The following ATP6V1E2 variants were observed in gnomAD, a reference collection of about 807,000 sequenced individuals.
The protein encoded by ATP6V1E2 is ATPase H+ transporting V1 subunit E2.
For synonymous variants in ATP6V1E2, 121 were observed against 104.2 expected (o/e 1.16, Z -0.98); for missense variants, 308 against 273.3 (o/e 1.13, Z -0.90).
chr2:46,512,758 G>C lies in ATP6V1E2; in HGVS notation c.-47C>G, dbSNP rs1461726792. On this transcript the variant is annotated 5_prime_UTR_variant, in exon 5 of 5. Transcript: ENST00000522587. ...CAGAGAGGGAGCTCGTACACCGTTTGGCTCCTTTGACTTAGGACAATTTCA... is the reference window on the plus strand; with the variant it reads ...CAGAGAGGGAGCTCGTACACCGTTTCGCTCCTTTGACTTAGGACAATTTCA... 1 of 1,527,000 alleles carries C rather than the reference G, an allele frequency of 6.5e-7. No homozygotes were observed. Among genetic ancestry groups the C allele is most frequent in the Non-Finnish European group, 8.8e-7 (1 of 1,134,982 alleles). 94.6% of individuals were successfully genotyped at this position (1,527,000 alleles called of 1,614,324 possible). A position where few individuals can be genotyped will look rare whatever the true frequency, so the allele number is the denominator to read the frequency against.
chr2:46,514,518 TAACTG>T lies in ATP6V1E2; in HGVS notation c.-101-1711_-101-1707del, dbSNP rs150805868. ...CAAATTTTGGAGCTGAAGAATACAA[TAACTG>T]AACTGAAAAAATTCACTAGAGGAGT... On this transcript the variant is annotated intron_variant, in intron 4 of 4. Transcript: ENST00000522587. Among the ~76,000 whole-genome samples the T allele has an allele frequency of 6.7e-3, 1,013 of 152,110 alleles. 8 individuals carry two copies. Among genetic ancestry groups the T allele is most frequent in the African/African-American group, 0.023 (972 of 41,504 alleles).
intron 4 of ATP6V1E2, 112 bp from the exon 5 acceptor site, chr2:46,512,924 AG>A: frequency 1.9e-6 from 1 of 523,290 alleles, no homozygotes; most frequent in East Asian, 3.2e-5. Context: ...GGTCCAGAGA[AG>A]GAACACAATT....
In ATP6V1E2 at chr2:46,512,558, T is replaced by C; in HGVS notation, c.154A>G (p.Lys52Glu). 6.2e-7 allele frequency: 1 copy of C among 1,614,214 alleles called. No individual in the cohort carries two copies. Among genetic ancestry groups the C allele is most frequent in the Non-Finnish European group, 8.5e-7 (1 of 1,180,040 alleles). Residue 52 changes from lysine (K) to glutamate (E), a missense_variant, in exon 5 of 5, where the codon AAG (lysine) becomes GAG (glutamate). Lys to Glu is a moderately conservative substitution (Grantham distance 56). Coordinates refer to ENST00000522587, the MANE Select transcript of ATP6V1E2 (RefSeq NM_001318063.2). ...TTTTTCTCATAATACTCCATAATCT[T>C]CAGTCGTTGGGTTTGCACGAGGCGT... is the stretch of plus-strand genomic sequence containing the variant. ...KGRLVQTQRLKIMEYYEKKEK... is the reference protein window; with the variant it reads ...KGRLVQTQRLEIMEYYEKKEK...
At chr2:46,540,469 A>C (rs1347260171) in intron 2 of ATP6V1E2, among the ~76,000 whole-genome samples, 1 of 151,514 alleles carries the variant, frequency 6.6e-6, no homozygotes, top group Non-Finnish European at 1.5e-5. Context: ...AAGAAAAAGA[A>C]ATTTCACTGT....
At chr2:46,540,613 C>CTTTTTTTTTTTTTTTTTTTTTT (rs59810518) in intron 2 of ATP6V1E2, among the ~76,000 whole-genome samples, 1 of 115,620 alleles carries the variant, frequency 8.6e-6, no homozygotes, top group African/African-American at 3.4e-5. Context: ...TTTTCTGTAA[C>CTTTTTTTTTTTTTTTTTTTTTT]TTTTTTTTTT....
intron 4 of ATP6V1E2, among the ~76,000 whole-genome samples, chr2:46,526,980 T>C (rs553647270): frequency 6.6e-6 from 1 of 152,206 alleles, no homozygotes; most frequent in African/African-American, 2.4e-5. Context: ...GCCGCACTAT[T>C]TTACAGTTCA....
chr2:46,525,533 G>T (rs1043628621), intron 4 of ATP6V1E2, among the ~76,000 whole-genome samples: 1 of 151,668 alleles, frequency 6.6e-6, no homozygotes, highest in African/African-American at 2.4e-5. Context: ...GCAAGCTTGG[G>T]AGAGAAGGCA....
In ATP6V1E2 at chr2:46,512,760, C is replaced by T. The variant is rs371737203; in HGVS notation, c.-49G>A. ...GAGAGGGAGCTCGTACACCGTTTGG[C>T]TCCTTTGACTTAGGACAATTTCAGG... On this transcript the variant is annotated 5_prime_UTR_variant, in exon 5 of 5. Coordinates refer to ENST00000522587, the MANE Select transcript of ATP6V1E2 (RefSeq NM_001318063.2). The T allele has an allele frequency of 4.6e-5, 69 of 1,512,162 alleles. No individual in the cohort carries two copies. The highest frequency in any genetic ancestry group is 6.1e-5 in the Non-Finnish European group (69 of 1,125,274). 93.7% of individuals were successfully genotyped at this position (1,512,162 alleles called of 1,614,324 possible).
chr2:46,539,534 C>CTGGCCTT (rs1253032659), intron 2 of ATP6V1E2, among the ~76,000 whole-genome samples: 1 of 152,260 alleles, frequency 6.6e-6, no homozygotes, highest in Non-Finnish European at 1.5e-5. Context: ...CCCATTGGCC[C>CTGGCCTT]TGGCCTTTGG....
intron 4 of ATP6V1E2, among the ~76,000 whole-genome samples, chr2:46,514,718 A>G (rs1368492021): frequency 1.3e-5 from 2 of 152,180 alleles, no homozygotes; most frequent in African/African-American, 4.8e-5. Context: ...AAGGCTGGGA[A>G]AAAAGGATAG....
chr2:46,525,101 C>T (rs905962224), intron 4 of ATP6V1E2, among the ~76,000 whole-genome samples: 2 of 152,178 alleles, frequency 1.3e-5, no homozygotes, highest in African/African-American at 4.8e-5. Flanking sequence ...GGCCCACAAG[C>T]TGTTGGGTGT....
At chr2:46,536,084 GGTGGTGATGCCATCA>G (rs766147444) in intron 3 of ATP6V1E2, among the ~76,000 whole-genome samples, 157 bp from the exon 4 acceptor site, 16 of 152,240 alleles carry the variant, frequency 1.1e-4, no homozygotes, top group Non-Finnish European at 2.2e-4. Flanking sequence ...TTCAGCAATG[GGTGGTGATGCCATCA>G]GTCACAATGA....
At chr2:46,528,613 G>C (rs372880470) in intron 4 of ATP6V1E2, among the ~76,000 whole-genome samples, 3 of 152,336 alleles carry the variant, frequency 2.0e-5, no homozygotes, top group South Asian at 4.1e-4. Flanking sequence ...CCTCTGCCTT[G>C]GAGGCTCCAT....
At chr2:46,524,788 C>T (rs548330516) in intron 4 of ATP6V1E2, among the ~76,000 whole-genome samples, 6 of 152,172 alleles carry the variant, frequency 3.9e-5, no homozygotes, top group African/African-American at 1.4e-4. Flanking sequence ...CTGAGGTCTG[C>T]GTGTGGAGAG....
At position 46,525,461 on chromosome 2, in the gene ATP6V1E2, C is replaced by CAAAAAAAA. The variant is rs57428249; in HGVS notation, c.-102+10344_-102+10351dup. Among the ~76,000 whole-genome samples the CAAAAAAAA allele has an allele frequency of 3.4e-3, 190 of 56,628 alleles. 5 individuals are homozygous for CAAAAAAAA. The highest frequency in any genetic ancestry group is 0.029 in the Middle Eastern group (2 of 68). The allele number at this position is 56,628 out of a possible 152,430, so 37.2% of individuals were successfully genotyped here. A position where few individuals can be genotyped will look rare whatever the true frequency, so the allele number is the denominator to read the frequency against. On this transcript the variant is annotated intron_variant, in intron 4 of 4. Coordinates refer to ENST00000522587, the MANE Select transcript of ATP6V1E2 (RefSeq NM_001318063.2). The stretch of plus-strand genomic sequence containing the variant: ...TGGGCGACAGAACGAGACTCCGTCT[C>CAAAAAAAA]AAAAAAAAAAAAAAAGAAAAAAAAA...
rs1667390067 is a variant in ATP6V1E2, at chr2:46,535,284, T to A, written c.-102+529A>T. ...GCCAATACCAGTTATTTGGGTATGG[T>A]AGAGGTGGAAATCTCTACTCCCTCT... On this transcript the variant is annotated intron_variant, in intron 4 of 4. Coordinates refer to ENST00000522587, the MANE Select transcript of ATP6V1E2 (RefSeq NM_001318063.2). This position sits in a 1 kb window ranked among gnomAD's most constrained non-coding sequence, Gnocchi z 4.4. 6.6e-6 allele frequency: 1 copy of A among 152,168 alleles called. No homozygotes were observed. Among genetic ancestry groups the A allele is most frequent in the Non-Finnish European group, 1.5e-5 (1 of 68,038 alleles). 9.4% of individuals were successfully genotyped at this position (152,168 alleles called of 1,614,324 possible).
chr2:46,537,873 C>T (rs1282496622), intron 2 of ATP6V1E2, among the ~76,000 whole-genome samples: 1 of 151,894 alleles, frequency 6.6e-6, no homozygotes, highest in African/African-American at 2.4e-5. Flanking sequence ...TTGATTTAGA[C>T]AGTCAGTTGC....
intron 4 of ATP6V1E2, among the ~76,000 whole-genome samples, chr2:46,514,123 T>TA (rs1687603644): frequency 6.7e-6 from 1 of 150,104 alleles, no homozygotes; most frequent in Non-Finnish European, 1.5e-5. Flanking sequence ...CTACTAAAAA[T>TA]AAAAAAATTA....
At chr2:46,538,025 G>A (rs766226803) in intron 2 of ATP6V1E2, among the ~76,000 whole-genome samples, 6 of 152,140 alleles carry the variant, frequency 3.9e-5, no homozygotes, top group Non-Finnish European at 8.8e-5. Context: ...CAGAGTTATC[G>A]TAAAAACCTT....
Sources: allele counts gnomAD v4.1 joint callset (sites outside exome capture counted in the v4.1 genomes callset), GRCh38; gene constraint gnomAD v4.1.1; non-coding constraint Gnocchi (gnomAD v3.1); transcripts MANE v1.5; gene names NCBI Gene and HGNC (gene_info 2026-07-23, HGNC 2026-07-21).